CDH2: variants seen among roughly 807,000 people sequenced by gnomAD.
CDH2 encodes the protein cadherin 2, also known as cadherin-2.
Under a neutral mutation model 92.0 loss-of-function variants are expected in CDH2, and 17 were observed. The observed-to-expected ratio is 0.18, with a 90% confidence interval of 0.13 to 0.28. CDH2 has a LOEUF of 0.28. Among genes scored for constraint, CDH2 ranks in the 10% least tolerant of loss-of-function variants. The probability of loss-of-function intolerance (pLI) is 1.00; values close to 1 mark genes in which losing one functional copy is unlikely to be tolerated. For synonymous variants in CDH2, 419 were observed against 415.9 expected (o/e 1.01, Z -0.09); for missense variants, 862 against 1,133.1 (o/e 0.76, Z 3.44).
rs1173487341 is a variant in CDH2 at position 28,003,050 on chromosome 18, T to C, written c.967A>G (p.Ile323Val). ...PSTPSPNMFT[I>V]NNETGDIITV... The stretch of plus-strand genomic sequence containing the variant: ...ATGATGTCACCAGTCTCATTGTTGA[T>C]TGTAAACATGTTGGGTGAAGGGGTG... Residue 323 changes from isoleucine to valine, a missense_variant, in exon 7 of 16, where the codon ATC becomes GTC. By Grantham distance (29) the Ile-to-Val change is conservative. Around this residue, in one of 5 missense-constraint regions of CDH2, gnomAD observed 564 missense variants for 722.2 expected, o/e 0.78. Transcript: ENST00000269141. 2.5e-6 allele frequency: 4 copies of C among 1,613,982 alleles called. No individual in the cohort carries two copies. The highest frequency in any genetic ancestry group is 3.3e-5 in the Admixed American group (2 of 59,992).
rs2015026110 is a variant in CDH2, at chr18:28,090,970, C to T, written c.172+56703G>A. Among the ~76,000 whole-genome samples the T allele has an allele frequency of 3.3e-5, 5 of 152,270 alleles. 1 individual carries two copies. The South Asian group carries it at 1.0e-3, about 32-fold the overall frequency. ...TTGAATCACAAGAGGACTGAAAAAG[C>T]ATTTGTCTCTACAAGATAATACCTA... On this transcript the variant is annotated intron_variant, in intron 2 of 15. Coordinates refer to ENST00000269141, the MANE Select transcript of CDH2 (RefSeq NM_001792.5).
intron 2 of CDH2, among the ~76,000 whole-genome samples, chr18:28,145,379 A>G (rs530213549): frequency 5.3e-5 from 8 of 152,226 alleles, no homozygotes; most frequent in African/African-American, 1.9e-4. Flanking sequence ...CTTAAACACT[A>G]TAGGCGACAA....
At chr18:28,103,335 TTATA>T (rs71378968) in intron 2 of CDH2, among the ~76,000 whole-genome samples, 29,188 of 137,574 alleles carry the variant, frequency 0.21, 3,983 homozygotes, top group Non-Finnish European at 0.29. Context: ...AAAAACTCCT[TTATA>T]TATATAAAGT....
intron 7 of CDH2, among the ~76,000 whole-genome samples, chr18:27,996,775 G>C (rs1326090400): frequency 2.6e-5 from 4 of 152,204 alleles, no homozygotes; most frequent in Non-Finnish European, 5.9e-5. Context: ...TTCTGACTTG[G>C]TGGATGGATG....
At chr18:28,027,658 AG>A (rs2013590310) in intron 2 of CDH2, among the ~76,000 whole-genome samples, 1 of 152,190 alleles carries the variant, frequency 6.6e-6, no homozygotes, top group Admixed American at 6.5e-5. Flanking sequence ...CTGGGAAAGC[AG>A]CAAGATTATT....
intron 1 of CDH2, 128 bp downstream of exon 1, chr18:28,176,835 C>G (rs1208434039): frequency 2.9e-6 from 1 of 341,198 alleles, no homozygotes; most frequent in Non-Finnish European, 4.1e-6. Context: ...CGCGGCGCGG[C>G]GCGGCGCGGC....
intron 2 of CDH2, among the ~76,000 whole-genome samples, chr18:28,080,056 C>T (rs969870817): frequency 2.0e-5 from 3 of 152,034 alleles, no homozygotes; most frequent in Admixed American, 2.0e-4. Flanking sequence ...TGAGAGGTTC[C>T]TCAGGAAGAA....
intron 2 of CDH2, among the ~76,000 whole-genome samples, chr18:28,115,392 CTGTGCTGTCCT>C (rs1190210806): frequency 1.3e-5 from 2 of 152,190 alleles, no homozygotes; most frequent in Non-Finnish European, 2.9e-5. Context: ...GTGTGAATCA[CTGTGCTGTCCT>C]GGTGCTGACC....
At chr18:28,102,965 G>A (rs1300399305) in intron 2 of CDH2, among the ~76,000 whole-genome samples, 4 of 151,478 alleles carry the variant, frequency 2.6e-5, no homozygotes, top group South Asian at 2.1e-4. Flanking sequence ...TACTTCTTAC[G>A]TATATCTGTG....
At chr18:28,176,823 C>CGCGCGGCGCG (rs776383044) in intron 1 of CDH2, 140 bp downstream of exon 1, 96 of 278,890 alleles carry the variant, frequency 3.4e-4, no homozygotes, top group African/African-American at 1.2e-3. Flanking sequence ...AGCTACCGGC[C>CGCGCGGCGCG]GCGCGGCGCG....
At chr18:27,984,076 A>G (rs1445173893) in intron 13 of CDH2, among the ~76,000 whole-genome samples, 3 of 152,220 alleles carry the variant, frequency 2.0e-5, no homozygotes, top group African/African-American at 7.2e-5. Context: ...TTAGTATAGC[A>G]TGCAGGTTTC....
downstream of CDH2, among the ~76,000 whole-genome samples, chr18:27,947,287 C>A (rs182226458): frequency 8.6e-4 from 130 of 151,742 alleles, no homozygotes; most frequent in Non-Finnish European, 1.3e-3. Context: ...GTAGAGCCCA[C>A]TCATAATAGC....
At chr18:27,953,764 A>G (rs1909578058) in intron 15 of CDH2, among the ~76,000 whole-genome samples, 1 of 152,168 alleles carries the variant, frequency 6.6e-6, no homozygotes, top group Admixed American at 6.5e-5. Context: ...CTACAACTGT[A>G]ATCATAATAA....
At chr18:28,154,881 A>G (rs1454354479) in intron 1 of CDH2, among the ~76,000 whole-genome samples, 4 of 152,202 alleles carry the variant, frequency 2.6e-5, no homozygotes, top group South Asian at 2.1e-4. Context: ...TAAGGAAATC[A>G]TAACTTTTCT....
intron 6 of CDH2, among the ~76,000 whole-genome samples, chr18:27,945,635 T>C (rs1567930388): frequency 6.6e-6 from 1 of 152,170 alleles, no homozygotes; most frequent in Non-Finnish European, 1.5e-5. Context: ...TGAATGTCTC[T>C]TCTTTTTAAT....
At chr18:27,934,593 A>G (rs1457334891) in intron 6 of CDH2, among the ~76,000 whole-genome samples, 1 of 152,222 alleles carries the variant, frequency 6.6e-6, no homozygotes, top group Non-Finnish European at 1.5e-5. Flanking sequence ...TTTATTAGAT[A>G]AAACATCATC....
chr18:28,084,324 T>C (rs2014886650), intron 2 of CDH2, among the ~76,000 whole-genome samples: 1 of 152,152 alleles, frequency 6.6e-6, no homozygotes, highest in Non-Finnish European at 1.5e-5. Flanking sequence ...TTTCATGTTA[T>C]TGTTTCTTTG....
chr18:28,123,248 T>TATTC (rs1486081890), intron 2 of CDH2, among the ~76,000 whole-genome samples: 1 of 152,180 alleles, frequency 6.6e-6, no homozygotes, highest in Non-Finnish European at 1.5e-5. Context: ...CAAAGTGTTT[T>TATTC]ATTCATGCTG....
chr18:28,002,479 G>C (rs1166112302), intron 7 of CDH2, among the ~76,000 whole-genome samples: 1 of 152,124 alleles, frequency 6.6e-6, no homozygotes, highest in Admixed American at 6.6e-5. Flanking sequence ...AGTTACTACT[G>C]CTTAAATCTT....
Sources: allele counts gnomAD v4.1 joint callset (sites outside exome capture counted in the v4.1 genomes callset), GRCh38; gene constraint gnomAD v4.1.1; regional missense constraint gnomAD v4.1.1; transcripts MANE v1.5; gene names NCBI Gene and HGNC (gene_info 2026-07-23, HGNC 2026-07-21).